CHRM3: variants seen among roughly 807,000 people sequenced by gnomAD.
CHRM3 encodes muscarinic acetylcholine receptor M3.
Under a neutral mutation model 41.8 loss-of-function variants are expected in CHRM3, and 11 were observed. The observed-to-expected ratio is 0.26, with a 90% CI of 0.17 to 0.44. CHRM3 has a LOEUF of 0.44. Ranked by LOEUF, CHRM3 falls within the 20% of genes least tolerant of loss-of-function variation. CHRM3 has a pLI of 1.00. For missense variants in CHRM3, 571 were observed against 745.4 expected (o/e 0.77, Z 2.72); for synonymous variants, 297 against 301.4 (o/e 0.99, Z 0.15).
At chr1:239,671,598 G>A (rs1394739081) in intron 4 of CHRM3, among the ~76,000 whole-genome samples, 3 of 151,986 alleles carry the variant, frequency 2.0e-5, no homozygotes, top group Non-Finnish European at 4.4e-5. Context: ...CCCAGATGCA[G>A]CTTTTCCTTC....
At chr1:239,701,650 T>G (rs1404015833) in intron 5 of CHRM3, among the ~76,000 whole-genome samples, 1 of 152,208 alleles carries the variant, frequency 6.6e-6, no homozygotes, top group African/African-American at 2.4e-5. Context: ...AAATATCACA[T>G]TCATCACGTC....
At chr1:239,793,567 TA>T (rs1669512226) in intron 5 of CHRM3, among the ~76,000 whole-genome samples, 1 of 152,184 alleles carries the variant, frequency 6.6e-6, no homozygotes, top group Non-Finnish European at 1.5e-5. Context: ...AGAGAAGAAT[TA>T]AATATATCAG....
intron 4 of CHRM3, among the ~76,000 whole-genome samples, chr1:239,660,043 G>A (rs548178506): frequency 1.5e-4 from 23 of 152,254 alleles, no homozygotes; most frequent in African/African-American, 2.9e-4. Flanking sequence ...TCACTGCAGC[G>A]TCCAAATCCT....
chr1:239,649,978 A>T (rs937990728), intron 4 of CHRM3, among the ~76,000 whole-genome samples: 7 of 152,234 alleles, frequency 4.6e-5, no homozygotes, highest in African/African-American at 1.7e-4. Flanking sequence ...ATGGTTCTAA[A>T]GAAAGAAGCC....
At chr1:239,440,100 AG>A (rs1263492270) in intron 1 of CHRM3, among the ~76,000 whole-genome samples, 2 of 150,684 alleles carry the variant, frequency 1.3e-5, no homozygotes, top group Non-Finnish European at 3.0e-5. Flanking sequence ...CAGGAAGCTG[AG>A]GCAGGAGAGT....
At chr1:239,850,555 T>C (rs1674619024) in intron 6 of CHRM3, among the ~76,000 whole-genome samples, 1 of 152,226 alleles carries the variant, frequency 6.6e-6, no homozygotes, top group East Asian at 1.9e-4. Flanking sequence ...AAATCTGTTA[T>C]CACCAGTCAT....
At chr1:239,883,203 G>T (rs1423453845) in intron 6 of CHRM3, among the ~76,000 whole-genome samples, 1 of 152,126 alleles carries the variant, frequency 6.6e-6, no homozygotes, top group African/African-American at 2.4e-5. Context: ...GATTTATCAA[G>T]AAACAACATC....
At chr1:239,785,887 CA>C (rs1299209490) in intron 5 of CHRM3, among the ~76,000 whole-genome samples, 4 of 152,044 alleles carry the variant, frequency 2.6e-5, no homozygotes, top group African/African-American at 9.7e-5. Flanking sequence ...AGGAAGGGAC[CA>C]GAATTATTTT....
intron 4 of CHRM3, among the ~76,000 whole-genome samples, chr1:239,646,483 GA>G (rs1671749890): frequency 6.6e-6 from 1 of 152,116 alleles, no homozygotes; most frequent in African/African-American, 2.4e-5. Context: ...CGCACTGTTG[GA>G]AAATGTTCAT....
At chr1:239,433,829 C>CAT (rs1663022996) in intron 1 of CHRM3, among the ~76,000 whole-genome samples, 1 of 152,132 alleles carries the variant, frequency 6.6e-6, no homozygotes, top group Non-Finnish European at 1.5e-5. Context: ...ATCGTATATA[C>CAT]ATATATACCA....
intron 3 of CHRM3, among the ~76,000 whole-genome samples, chr1:239,574,575 C>A (rs1662152821): frequency 6.6e-6 from 1 of 152,118 alleles, no homozygotes; most frequent in Admixed American, 6.6e-5. Flanking sequence ...CCTCCTGCAT[C>A]CAGGCATTCT....
intron 1 of CHRM3, among the ~76,000 whole-genome samples, chr1:239,471,739 G>T (rs1373786332): frequency 1.3e-5 from 2 of 152,178 alleles, no homozygotes; most frequent in African/African-American, 4.8e-5. Context: ...TCTGGGCCTA[G>T]GAATACACCC....
At chr1:239,546,221 G>C (rs1471134490) in intron 3 of CHRM3, 1 of 152,154 alleles carries the variant, frequency 6.6e-6, no homozygotes, top group Non-Finnish European at 1.5e-5. Flanking sequence ...GTTGTGGAAA[G>C]AAAATTAAAC....
At chr1:239,731,416 C>T (rs1663956104) in intron 5 of CHRM3, among the ~76,000 whole-genome samples, 1 of 151,952 alleles carries the variant, frequency 6.6e-6, no homozygotes, top group Non-Finnish European at 1.5e-5. Context: ...CTAATACACG[C>T]TGTCTTATTT....
chr1:239,662,246 T>A (rs1175087812), intron 4 of CHRM3, among the ~76,000 whole-genome samples: 3 of 151,970 alleles, frequency 2.0e-5, no homozygotes, highest in African/African-American at 7.3e-5. Context: ...AAACACTGCA[T>A]AGAGTTCTAG....
chr1:239,782,864 T>A (rs1240211595), intron 5 of CHRM3, among the ~76,000 whole-genome samples: 8 of 152,176 alleles, frequency 5.3e-5, no homozygotes, highest in South Asian at 2.1e-4. Context: ...ATTTCTTCTT[T>A]GACACATATA....
At chr1:239,792,540 A>G (rs1488372277) in intron 5 of CHRM3, among the ~76,000 whole-genome samples, 1 of 152,248 alleles carries the variant, frequency 6.6e-6, no homozygotes, top group Admixed American at 6.5e-5. Flanking sequence ...ATTTTAATGT[A>G]GACAAATAGA....
At chr1:239,902,336 G>A (rs12078376) in intron 6 of CHRM3, among the ~76,000 whole-genome samples, 5,771 of 152,156 alleles carry the variant, frequency 0.038, 153 homozygotes, top group African/African-American at 0.073. Flanking sequence ...AAGAAAGGTC[G>A]TCTCAAAATA....
At chr1:239,643,049 G>T (rs568122503) in intron 4 of CHRM3, among the ~76,000 whole-genome samples, 5 of 152,288 alleles carry the variant, frequency 3.3e-5, no homozygotes, top group African/African-American at 1.2e-4. Flanking sequence ...CTGTTTGCCT[G>T]GGTATCAGCA....
Sources: allele counts gnomAD v4.1 joint callset (sites outside exome capture counted in the v4.1 genomes callset), GRCh38; gene constraint gnomAD v4.1.1; transcripts MANE v1.5; gene names NCBI Gene and HGNC (gene_info 2026-07-23, HGNC 2026-07-21).